ADAMTSL1: variants seen among roughly 807,000 people sequenced by gnomAD.
ADAMTSL1 encodes the protein ADAMTS like 1.
Under a neutral mutation model 201.8 loss-of-function variants are expected in ADAMTSL1, and 126 were observed. The ratio of observed to expected loss-of-function variants is 0.62; its 90% CI spans 0.54 to 0.72. The LOEUF (loss-of-function observed/expected upper bound fraction) is 0.72, where lower values mean the gene tolerates loss of function less well. Ranked by LOEUF, ADAMTSL1 falls within the 30% of genes least tolerant of loss-of-function variation. The pLI, the probability that ADAMTSL1 is intolerant of heterozygous loss-of-function variation, is 0.00. For missense variants in ADAMTSL1, 2,679 were observed against 2,277.8 expected (o/e 1.18, Z -3.59); for synonymous variants, 1,121 against 903.4 (o/e 1.24, Z -4.32).
intron 22 of ADAMTSL1, among the ~76,000 whole-genome samples, chr9:18,828,671 T>C: frequency 1.2e-5 from 1 of 82,780 alleles, no homozygotes; most frequent in African/African-American, 5.8e-5. Context: ...TATATATATA[T>C]ATATATATAT....
chr9:18,501,295 G>A (rs1030439817), intron 1 of ADAMTSL1, among the ~76,000 whole-genome samples: 2 of 152,012 alleles, frequency 1.3e-5, no homozygotes, highest in African/African-American at 4.8e-5. Flanking sequence ...TGGATAGCTC[G>A]AGCTCAGGAG....
intron 3 of ADAMTSL1, among the ~76,000 whole-genome samples, chr9:18,535,558 T>C (rs1323669821): frequency 6.6e-6 from 1 of 152,228 alleles, no homozygotes; most frequent in Non-Finnish European, 1.5e-5. Context: ...AGTATCCTTA[T>C]AGCAGCACCC....
chr9:18,548,602 C>G (rs1350505732), intron 3 of ADAMTSL1, among the ~76,000 whole-genome samples: 4 of 151,920 alleles, frequency 2.6e-5, no homozygotes, highest in African/African-American at 9.7e-5. Context: ...AATGTTGTGA[C>G]CAGAGACTTG....
chr9:18,908,617 C>T lies in ADAMTSL1; in HGVS notation c.*69C>T. ...CTCACGCAACCACCTCGGACAGAAC[C>T]TAAGCTTTCTTCATTTTATTTATTT... On this transcript the variant is annotated 3_prime_UTR_variant, in exon 29 of 29. Transcript: ENST00000380548. The T allele has an allele frequency of 8.1e-7, 1 of 1,234,012 alleles. No homozygotes were observed. Among genetic ancestry groups the T allele is most frequent in the East Asian group, 2.6e-5 (1 of 39,022 alleles). The allele number at this position is 1,234,012 out of a possible 1,614,324, so 76.4% of individuals were successfully genotyped here.
chr9:18,777,147 G>T lies in ADAMTSL1; in HGVS notation c.2918G>T (p.Ser973Ile). 6.2e-7 allele frequency: 1 copy of T among 1,613,002 alleles called. No homozygotes were observed. The highest frequency in any genetic ancestry group is 1.6e-4 in the Middle Eastern group (1 of 6,062). Residue 973 changes from serine to isoleucine, a missense_variant, in exon 19 of 29, where the codon AGC becomes ATC. Transcript: ENST00000380548. ...CGCAAGCTCGTGGCCCGGCCCTTGA[G>T]CCCGAGAAGTGAGGAAGAGGTGCTT... ...GNRKLVARPL[S>I]PRSEEEVLAG...
At chr9:18,064,055 TAAAAG>T (rs1032517659) in intron 1 of ADAMTSL1, among the ~76,000 whole-genome samples, 17 of 152,166 alleles carry the variant, frequency 1.1e-4, no homozygotes, top group South Asian at 8.3e-4. Context: ...GTTAAAAAAA[TAAAAG>T]AAACAGGGAA....
chr9:18,428,813 T>C (rs1160375602), intron 2 of ADAMTSL1, among the ~76,000 whole-genome samples: 3 of 152,208 alleles, frequency 2.0e-5, no homozygotes, highest in African/African-American at 7.2e-5. Context: ...TTCTGATCTT[T>C]AGTGTGTAAT....
At chr9:18,447,665 T>G (rs1013655462) in intron 2 of ADAMTSL1, among the ~76,000 whole-genome samples, 3 of 152,228 alleles carry the variant, frequency 2.0e-5, no homozygotes, top group Non-Finnish European at 1.5e-5. Context: ...CATACACTGC[T>G]AAAGAGTCCT....
chr9:18,899,790 C>T (rs1015565555), intron 26 of ADAMTSL1, among the ~76,000 whole-genome samples: 2 of 152,164 alleles, frequency 1.3e-5, no homozygotes, highest in African/African-American at 2.4e-5. Flanking sequence ...AAAATTAACT[C>T]AAGATGGATT....
intron 2 of ADAMTSL1, among the ~76,000 whole-genome samples, chr9:18,204,685 G>A (rs1829581454): frequency 6.6e-6 from 1 of 152,076 alleles, no homozygotes; most frequent in South Asian, 2.1e-4. Context: ...GTTGCCAGCA[G>A]CCTTATAGTG....
intron 2 of ADAMTSL1, among the ~76,000 whole-genome samples, chr9:18,170,871 G>A (rs556055112): frequency 6.6e-6 from 1 of 152,030 alleles, no homozygotes; most frequent in Non-Finnish European, 1.5e-5. Context: ...TTGTCATCAG[G>A]TTTCTGTGTT....
chr9:18,908,291 AAGTT>A, intron 28 of ADAMTSL1, 147 bp from the exon 29 acceptor site: 2 of 683,074 alleles, frequency 2.9e-6, no homozygotes, highest in Non-Finnish European at 5.2e-6. Flanking sequence ...AGCTCTGTCA[AAGTT>A]AGGCTGGAGA....
intron 1 of ADAMTSL1, among the ~76,000 whole-genome samples, chr9:18,084,653 C>A (rs1328836859): frequency 2.0e-5 from 3 of 152,020 alleles, no homozygotes; most frequent in Non-Finnish European, 4.4e-5. Context: ...ACAGCTCAAG[C>A]TCCCTCCCTC....
chr9:18,110,257 T>G (rs1824946331), intron 1 of ADAMTSL1, among the ~76,000 whole-genome samples: 1 of 152,208 alleles, frequency 6.6e-6, no homozygotes, highest in African/African-American at 2.4e-5. Flanking sequence ...TGTCTAATTC[T>G]CAGCTCTCTG....
At chr9:18,379,729 G>T in intron 2 of ADAMTSL1, among the ~76,000 whole-genome samples, 1 of 152,152 alleles carries the variant, frequency 6.6e-6, no homozygotes, top group East Asian at 1.9e-4. Context: ...ATAGAAAAAT[G>T]ATGACTATGA....
chr9:18,681,406 G>A (rs1364177886), intron 11 of ADAMTSL1: 5 of 152,810 alleles, frequency 3.3e-5, no homozygotes, highest in African/African-American at 1.2e-4. Flanking sequence ...TCCATGTAGG[G>A]GTATTTCCCA....
At chr9:18,303,989 C>T (rs1833806286) in intron 2 of ADAMTSL1, among the ~76,000 whole-genome samples, 1 of 152,116 alleles carries the variant, frequency 6.6e-6, no homozygotes, top group Non-Finnish European at 1.5e-5. Flanking sequence ...TCCACCCGTT[C>T]CGACAGTTAC....
chr9:18,873,319 T>A (rs909922206), intron 23 of ADAMTSL1, among the ~76,000 whole-genome samples: 2 of 152,200 alleles, frequency 1.3e-5, no homozygotes, highest in African/African-American at 4.8e-5. Context: ...TCCATCTATT[T>A]ATTTTTGTTT....
At chr9:18,292,171 G>A (rs1425538327) in intron 2 of ADAMTSL1, among the ~76,000 whole-genome samples, 1 of 152,060 alleles carries the variant, frequency 6.6e-6, no homozygotes, top group Non-Finnish European at 1.5e-5. Context: ...AGAAGGATCT[G>A]GATCTGCGTG....
Sources: allele counts gnomAD v4.1 joint callset (sites outside exome capture counted in the v4.1 genomes callset), GRCh38; gene constraint gnomAD v4.1.1; transcripts MANE v1.5; gene names NCBI Gene and HGNC (gene_info 2026-07-23, HGNC 2026-07-21).